MZT1: variants seen among roughly 807,000 people sequenced by gnomAD.
The protein encoded by MZT1 is mitotic spindle organizing protein 1, also known as mitotic-spindle organizing protein 1.
In MZT1, 8 loss-of-function variants were observed where a neutral mutation model predicts 8.5. That is an observed-to-expected ratio of 0.94 (90% confidence interval 0.55 to 1.70). The LOEUF is 1.70. MZT1 is among the 40% of genes most tolerant of loss of function. The probability of loss-of-function intolerance (pLI) is 0.00; values close to 1 mark genes in which losing one functional copy is unlikely to be tolerated. For synonymous variants in MZT1, 38 were observed against 42.0 expected (o/e 0.90, Z 0.37); for missense variants, 93 against 108.6 (o/e 0.86, Z 0.64).
At chr13:72,720,427 C>T (rs2032580949) in intron 1 of MZT1, among the ~76,000 whole-genome samples, 1 of 152,176 alleles carries the variant, frequency 6.6e-6, no homozygotes, top group Non-Finnish European at 1.5e-5. Context: ...TTCTGATTAA[C>T]TGTATAAAAA....
chr13:72,722,069 T>C (rs2032597795), intron 1 of MZT1, among the ~76,000 whole-genome samples: 1 of 152,248 alleles, frequency 6.6e-6, no homozygotes, highest in Non-Finnish European at 1.5e-5. Context: ...CTGTTGTTCC[T>C]GCCTTCGTCT....
At chr13:72,727,479 C>T (rs748546311) in intron 1 of MZT1, 45 bp downstream of exon 1, 1 of 1,595,488 alleles carries the variant, frequency 6.3e-7, no homozygotes, top group Non-Finnish European at 8.6e-7. Context: ...GGGGCCTTGG[C>T]TCTGGGAAGG....
intron 2 of MZT1, among the ~76,000 whole-genome samples, chr13:72,715,798 G>T (rs1456159647): frequency 6.6e-6 from 1 of 152,076 alleles, no homozygotes; most frequent in African/African-American, 2.4e-5. Context: ...TTTCCATAAT[G>T]ATTGTAACCT....
intron 1 of MZT1, among the ~76,000 whole-genome samples, chr13:72,719,463 C>A (rs529729376): frequency 6.6e-6 from 1 of 152,242 alleles, no homozygotes; most frequent in South Asian, 2.1e-4. Flanking sequence ...TATGGAAACA[C>A]TATACTTAAC....
At chr13:72,714,903 T>C (rs9530091) in intron 2 of MZT1, among the ~76,000 whole-genome samples, 134,095 of 152,228 alleles carry the variant, frequency 0.88, 61,151 homozygotes, top group Non-Finnish European at 0.99. Flanking sequence ...ACTAGAGTAG[T>C]GCAGAGGGGA....
chr13:72,719,610 T>C (rs2032573909), intron 1 of MZT1, among the ~76,000 whole-genome samples: 2 of 152,214 alleles, frequency 1.3e-5, no homozygotes, highest in South Asian at 2.1e-4. Context: ...GTAATATACA[T>C]ATTTAATTTG....
chr13:72,715,132 T>C (rs561553790), intron 2 of MZT1, among the ~76,000 whole-genome samples: 343 of 152,296 alleles, frequency 2.3e-3, no homozygotes, highest in African/African-American at 8.1e-3. Flanking sequence ...GCTCAAGGCC[T>C]TGGGAGCATA....
chr13:72,727,373 C>A (rs1041386472), intron 1 of MZT1, 151 bp downstream of exon 1: 17 of 772,852 alleles, frequency 2.2e-5, no homozygotes, highest in Middle Eastern at 4.7e-4. Flanking sequence ...GGGCCATCAG[C>A]CCTGCGGCCC....
chr13:72,710,442 C>T (rs1413981907), intron 2 of MZT1, 97 bp from the exon 3 acceptor site: 3 of 1,115,942 alleles, frequency 2.7e-6, no homozygotes, highest in African/African-American at 3.1e-5. Context: ...TAACAAACAA[C>T]TATTCCCCAT....
At chr13:72,722,934 T>G (rs1203592032) in intron 1 of MZT1, among the ~76,000 whole-genome samples, 3 of 152,208 alleles carry the variant, frequency 2.0e-5, no homozygotes, top group Admixed American at 1.3e-4. Context: ...TCACTTTATT[T>G]TTGACTGTCT....
chr13:72,727,503 G>C, intron 1 of MZT1, 21 bp downstream of exon 1: 10 of 1,612,814 alleles, frequency 6.2e-6, no homozygotes, highest in Non-Finnish European at 8.5e-6. Flanking sequence ...GCAAGGTAAA[G>C]GGAGCGCAAC....
chr13:72,723,669 A>G (rs1413729404), intron 1 of MZT1, among the ~76,000 whole-genome samples: 1 of 152,228 alleles, frequency 6.6e-6, no homozygotes, highest in Non-Finnish European at 1.5e-5. Flanking sequence ...GAAATCCAAA[A>G]CATGGTCCCA....
At chr13:72,719,161 TACTTTC>T in intron 1 of MZT1, 64 bp from the exon 2 acceptor site, 1 of 1,286,024 alleles carries the variant, frequency 7.8e-7, no homozygotes, top group Admixed American at 2.8e-5. Flanking sequence ...ATGCATATAG[TACTTTC>T]ATTAATTTAT....
chr13:72,726,388 G>A (rs1243333713), intron 1 of MZT1, among the ~76,000 whole-genome samples: 2 of 152,190 alleles, frequency 1.3e-5, no homozygotes, highest in African/African-American at 4.8e-5. Flanking sequence ...CCGAGGTTGC[G>A]CCATTGCACT....
chr13:72,718,921 T>C, intron 2 of MZT1, 31 bp downstream of exon 2: 1 of 1,536,316 alleles, frequency 6.5e-7, no homozygotes, highest in Non-Finnish European at 8.7e-7. Flanking sequence ...AAAGCATCTT[T>C]ATTTAGAATG....
At chr13:72,714,840 G>A (rs543397697) in intron 2 of MZT1, among the ~76,000 whole-genome samples, 39 of 152,246 alleles carry the variant, frequency 2.6e-4, no homozygotes, top group Non-Finnish European at 5.4e-4. Flanking sequence ...GGAAAAGCCT[G>A]GGTATCTAGG....
chr13:72,727,467 T>C (rs2032686449), intron 1 of MZT1, 57 bp downstream of exon 1: 1 of 1,561,974 alleles, frequency 6.4e-7, no homozygotes, highest in Non-Finnish European at 8.8e-7. Context: ...CATTCCCGCC[T>C]GGGGGCCTTG....
intron 2 of MZT1, among the ~76,000 whole-genome samples, chr13:72,715,085 T>TG (rs2032521957): frequency 1.3e-5 from 2 of 152,202 alleles, no homozygotes; most frequent in South Asian, 4.1e-4. Flanking sequence ...AAAGCAGCCA[T>TG]GGGGGCTTAA....
chr13:72,718,108 A>C (rs1178022539), intron 2 of MZT1, among the ~76,000 whole-genome samples: 1 of 152,222 alleles, frequency 6.6e-6, no homozygotes, highest in East Asian at 1.9e-4. Context: ...CATACCTACT[A>C]TACATATTTA....
Sources: gnomAD v4.1 joint callset for allele counts (sites outside exome capture counted in the v4.1 genomes callset) on GRCh38, gnomAD v4.1.1 for gene constraint, MANE v1.5 for transcripts, NCBI Gene and HGNC (gene_info 2026-07-23, HGNC 2026-07-21) for gene names.